PCCA: variants seen among roughly 807,000 people sequenced by gnomAD.
PCCA encodes the protein propionyl-CoA carboxylase subunit alpha, also known as propionyl-CoA carboxylase alpha chain, mitochondrial.
A neutral mutation model predicts 101.3 loss-of-function variants in PCCA; 74 were observed. The observed-to-expected ratio is 0.73, with a 90% CI of 0.61 to 0.89. The LOEUF is 0.89. Among genes scored for constraint, PCCA ranks in the 40% least tolerant of loss-of-function variants. The pLI is 0.00. For missense variants in PCCA, 891 were observed against 907.0 expected, an observed-to-expected ratio of 0.98 and a Z score of 0.23; for synonymous variants, 294 against 313.6, an observed-to-expected ratio of 0.94 and a Z score of 0.66.
At chr13:100,254,954 G>A (rs2061984102) in intron 8 of PCCA, among the ~76,000 whole-genome samples, 1 of 151,862 alleles carries the variant, frequency 6.6e-6, no homozygotes, top group African/African-American at 2.4e-5. Flanking sequence ...GGTGTGTTGG[G>A]GTGCACCTGT....
intron 6 of PCCA, among the ~76,000 whole-genome samples, chr13:100,183,659 A>G (rs1178487756): frequency 6.6e-6 from 1 of 152,152 alleles, no homozygotes; most frequent in African/African-American, 2.4e-5. Context: ...ACACAGGTGG[A>G]GGGGACATTC....
intron 22 of PCCA, 182 bp from the exon 23 acceptor site, chr13:100,527,493 G>A: frequency 1.6e-6 from 1 of 644,928 alleles, no homozygotes; most frequent in Non-Finnish European, 2.8e-6. Flanking sequence ...ATGAGAGAGA[G>A]AATGGCTTTT....
intron 19 of PCCA, among the ~76,000 whole-genome samples, chr13:100,379,360 G>A (rs903891003): frequency 6.6e-6 from 1 of 152,026 alleles, no homozygotes. Flanking sequence ...TGGGCCCCGG[G>A]GTTGCATGTG....
At chr13:100,483,423 A>G (rs1177290753) in intron 21 of PCCA, among the ~76,000 whole-genome samples, 8 of 152,220 alleles carry the variant, frequency 5.3e-5, no homozygotes, top group Admixed American at 4.6e-4. Context: ...CTTTTGGCCA[A>G]TGGGCCAGGA....
Position 100,089,129 on chromosome 13 carries a change from GT to G in PCCA, c.11del (p.Phe4SerfsTer22). On this transcript the variant is annotated frameshift_variant, in exon 1 of 24. Coordinates refer to ENST00000376285, the MANE Select transcript of PCCA (RefSeq NM_000282.4). LOFTEE classifies it high-confidence loss of function. ...GGTCTGCGGGGACAACAATGGCGGG[GT>G]TCTGGGTCGGGACAGCACCGCTGGT... MAGFWVGTAPLVAA... is the reference protein window; with the variant it reads MAGXWVGTAPLVAA... 1 of 1,509,222 alleles carries G rather than the reference GT, an allele frequency of 6.6e-7. No homozygotes were observed. The highest frequency in any genetic ancestry group is 8.9e-7 in the Non-Finnish European group (1 of 1,126,870). The allele number at this position is 1,509,222 out of a possible 1,614,324, so 93.5% of individuals were successfully genotyped here.
intron 12 of PCCA, among the ~76,000 whole-genome samples, chr13:100,277,977 T>C (rs1197008800): frequency 6.6e-6 from 1 of 152,226 alleles, no homozygotes; most frequent in Non-Finnish European, 1.5e-5. Context: ...TTGAGACTAG[T>C]ATTGTAAATA....
At chr13:100,525,214 T>G (rs1047042699) in intron 22 of PCCA, among the ~76,000 whole-genome samples, 2 of 152,168 alleles carry the variant, frequency 1.3e-5, no homozygotes, top group Admixed American at 6.5e-5. Flanking sequence ...GGGACACGCC[T>G]TCTTTAAAGT....
chr13:100,260,085 G>A (rs1250506910), intron 9 of PCCA, among the ~76,000 whole-genome samples: 1 of 152,092 alleles, frequency 6.6e-6, no homozygotes, highest in Non-Finnish European at 1.5e-5. Flanking sequence ...ACTGTAAAGT[G>A]CTATATTTTT....
At chr13:100,179,891 A>T (rs2056631970) in intron 6 of PCCA, among the ~76,000 whole-genome samples, 1 of 152,140 alleles carries the variant, frequency 6.6e-6, no homozygotes, top group Non-Finnish European at 1.5e-5. Context: ...AGGGAATAGC[A>T]GGTTTAAATG....
At chr13:100,324,594 T>G (rs777763166) in intron 16 of PCCA, among the ~76,000 whole-genome samples, 2 of 152,120 alleles carry the variant, frequency 1.3e-5, no homozygotes, top group Non-Finnish European at 2.9e-5. Flanking sequence ...AAGTTAACAT[T>G]TATCAAAACT....
At chr13:100,176,373 G>A (rs2056239953) in intron 6 of PCCA, among the ~76,000 whole-genome samples, 2 of 152,122 alleles carry the variant, frequency 1.3e-5, no homozygotes. Context: ...GAAAACTCAG[G>A]CCTAGCTGTT....
intron 19 of PCCA, among the ~76,000 whole-genome samples, chr13:100,383,816 T>A (rs1016176750): frequency 7.2e-5 from 11 of 152,182 alleles, no homozygotes; most frequent in African/African-American, 2.7e-4. Flanking sequence ...AAAGAAAGAA[T>A]ATGGTGATGA....
chr13:100,136,183 G>GTTTT (rs35796452), intron 4 of PCCA, among the ~76,000 whole-genome samples: 5 of 102,526 alleles, frequency 4.9e-5, no homozygotes, highest in African/African-American at 7.9e-5. Flanking sequence ...GTATAAAATT[G>GTTTT]TTTTTTTTTT....
At chr13:100,378,143 C>A (rs932648854) in intron 19 of PCCA, among the ~76,000 whole-genome samples, 1 of 152,112 alleles carries the variant, frequency 6.6e-6, no homozygotes, top group East Asian at 1.9e-4. Flanking sequence ...TCAAATTCGG[C>A]GTTTGCTTGT....
At chr13:100,206,917 C>A (rs796706661) in intron 6 of PCCA, among the ~76,000 whole-genome samples, 5 of 152,280 alleles carry the variant, frequency 3.3e-5, no homozygotes, top group African/African-American at 1.2e-4. Context: ...GTAGTTTCCC[C>A]CAGTTTATGA....
chr13:100,466,405 T>C (rs1431212593), intron 21 of PCCA, among the ~76,000 whole-genome samples: 1 of 152,236 alleles, frequency 6.6e-6, no homozygotes, highest in Non-Finnish European at 1.5e-5. Flanking sequence ...TGTGTGTTCC[T>C]GAGAAATAGC....
chr13:100,185,636 A>G (rs1421545424), intron 6 of PCCA, among the ~76,000 whole-genome samples: 1 of 135,636 alleles, frequency 7.4e-6, no homozygotes, highest in East Asian at 2.4e-4. Context: ...AGTTTTCTTA[A>G]ATTTCTTTTT....
intron 2 of PCCA, among the ~76,000 whole-genome samples, chr13:100,110,033 T>C (rs2048165020): frequency 6.6e-6 from 1 of 152,114 alleles, no homozygotes; most frequent in African/African-American, 2.4e-5. Context: ...ATTAGGAGGC[T>C]GAGGCAGGAG....
intron 1 of PCCA, among the ~76,000 whole-genome samples, chr13:100,102,350 C>T (rs2047356674): frequency 6.6e-6 from 1 of 152,178 alleles, no homozygotes; most frequent in South Asian, 2.1e-4. Context: ...ACGCTTTCTT[C>T]ACAAACAGTT....
Sources: allele counts gnomAD v4.1 joint callset (sites outside exome capture counted in the v4.1 genomes callset), GRCh38; gene constraint gnomAD v4.1.1; transcripts MANE v1.5; gene names NCBI Gene and HGNC (gene_info 2026-07-23, HGNC 2026-07-21).